The following XKR4 variants were observed in gnomAD, a reference collection of about 807,000 sequenced individuals.
The protein encoded by XKR4 is XK-related protein 4.
Under a neutral mutation model 53.9 loss-of-function variants are expected in XKR4, and 12 were observed. The ratio of observed to expected loss-of-function variants is 0.22; its 90% CI spans 0.14 to 0.36. The LOEUF (loss-of-function observed/expected upper bound fraction) is 0.36. Among genes scored for constraint, XKR4 ranks in the 10% least tolerant of loss-of-function variants. XKR4 has a pLI of 1.00. For synonymous variants in XKR4, 354 were observed against 362.4 expected (o/e 0.98, Z 0.26); for missense variants, 799 against 859.5 (o/e 0.93, Z 0.88).
intron 1 of XKR4, among the ~76,000 whole-genome samples, chr8:55,328,999 C>T (rs1278419893): frequency 2.0e-5 from 3 of 152,170 alleles, no homozygotes; most frequent in Non-Finnish European, 4.4e-5. Flanking sequence ...CCCTGATTCT[C>T]TTGTCCACTG....
chr8:55,265,108 C>G (rs1585975789), intron 1 of XKR4, among the ~76,000 whole-genome samples: 2 of 152,184 alleles, frequency 1.3e-5, no homozygotes, highest in African/African-American at 4.8e-5. Flanking sequence ...CATCTTCCAC[C>G]CTTATCCTGT....
chr8:55,289,852 GAAAGAAAGAAAGAAAGAAAGAAA>G (rs1563316717), intron 1 of XKR4, among the ~76,000 whole-genome samples: 2 of 1,892 alleles, frequency 1.1e-3, no homozygotes, highest in East Asian at 0.1. Context: ...AAGAAAGAAG[GAAAGAAAGAAAGAAAGAAAGAAA>G]GAAAGAAAGA....
chr8:55,217,667 AG>A (rs1208499978), intron 1 of XKR4, among the ~76,000 whole-genome samples: 1 of 152,224 alleles, frequency 6.6e-6, no homozygotes, highest in East Asian at 1.9e-4. Context: ...TTGTGGATAC[AG>A]GCTCGTTGCT....
At position 55,539,082 on chromosome 8, in the gene XKR4, C is replaced by T. The variant is rs1399252729; in HGVS notation, c.*14855C>T. 6.6e-6 allele frequency: 1 copy of T among 152,156 alleles called. No homozygotes were observed. Among genetic ancestry groups the T allele is most frequent in the African/African-American group, 2.4e-5 (1 of 41,436 alleles). The allele number at this position is 152,156 out of a possible 1,614,324, so 9.4% of individuals were successfully genotyped here. A position where few individuals can be genotyped will look rare whatever the true frequency, so the allele number is the denominator to read the frequency against. ...CATCAGAGAATATCCTGTACAACTT[C>T]CCCAAAAGTGACAAGTTTTCTTGTA... On this transcript the variant is annotated 3_prime_UTR_variant, in exon 3 of 3. Coordinates refer to ENST00000327381, the MANE Select transcript of XKR4 (RefSeq NM_052898.2).
At position 55,213,918 on chromosome 8, in the gene XKR4, G is replaced by A. The variant is rs151084185; in HGVS notation, c.806+110624G>A. Among the ~76,000 whole-genome samples the A allele has an allele frequency of 2.6e-3, 316 of 119,742 alleles. 1 individual carries two copies. Among genetic ancestry groups the A allele is most frequent in the African/African-American group, 9.4e-3 (296 of 31,550 alleles). The allele number at this position is 119,742 out of a possible 152,430, so 78.6% of individuals were successfully genotyped here. The stretch of plus-strand genomic sequence containing the variant: ...CTCCTGTTGCCCAGGCTGGAGTGCA[G>A]TGGTGCAATCTCCGCCCACTGCAAG... On this transcript the variant is annotated intron_variant, in intron 1 of 2. Transcript: ENST00000327381.
intron 1 of XKR4, among the ~76,000 whole-genome samples, chr8:55,270,219 C>T (rs1470401197): frequency 6.6e-6 from 1 of 152,190 alleles, no homozygotes; most frequent in Non-Finnish European, 1.5e-5. Context: ...TGGAGTGAAT[C>T]ACCTCTGAAG....
chr8:55,161,765 C>A (rs7837220), intron 1 of XKR4: 106,082 of 369,834 alleles, frequency 0.29, 16,482 homozygotes, highest in African/African-American at 0.47. Context: ...TCACTAAATT[C>A]TTTTCTCCAC....
At position 55,426,567 on chromosome 8, in the gene XKR4, G is replaced by T. The variant is rs1361771857; in HGVS notation, c.1006+68690G>T. On this transcript the variant is annotated intron_variant, in intron 2 of 2. Coordinates refer to ENST00000327381, the MANE Select transcript of XKR4 (RefSeq NM_052898.2). ...GTACATGCTTAAGAATAAAGGCTGT[G>T]TGTTATTCTTCTTTGATCCCCAGAA... Among the ~76,000 whole-genome samples, 4 of 152,184 alleles carry T rather than the reference G, an allele frequency of 2.6e-5. No homozygotes were observed. The East Asian group carries it at 7.7e-4, about 29-fold the overall frequency.
In XKR4 at chr8:55,102,560, C is replaced by G. The variant is rs764240948; in HGVS notation, c.72C>G (p.Asn24Lys). The G allele has an allele frequency of 3.2e-6, 5 of 1,553,134 alleles. No individual in the cohort carries two copies. Among genetic ancestry groups the G allele is most frequent in the African/African-American group, 1.4e-5 (1 of 70,278 alleles). Reference protein sequence around the residue: ...SSDVAFTPLQNSDHSGSVQGL... With the variant: ...SSDVAFTPLQKSDHSGSVQGL... ...ACGTGGCGTTCACCCCGCTGCAGAACTCGGACCACTCGGGCTCGGTGCAGG... is the reference window on the plus strand; with the variant it reads ...ACGTGGCGTTCACCCCGCTGCAGAAGTCGGACCACTCGGGCTCGGTGCAGG... Residue 24 changes from asparagine to lysine, a missense_variant, in exon 1 of 3, where the codon AAC becomes AAG. Physicochemically the swap from Asn to Lys is moderately conservative, Grantham distance 94 (BLOSUM62 0). This residue lies in a region of XKR4 where 476 missense variants were observed against 505.4 expected (regional missense o/e 0.94). Transcript: ENST00000327381. This position sits in a 1 kb window ranked among gnomAD's most constrained non-coding sequence, Gnocchi z 5.1.
At chr8:55,375,089 G>A (rs1442111504) in intron 2 of XKR4, among the ~76,000 whole-genome samples, 2 of 152,244 alleles carry the variant, frequency 1.3e-5, no homozygotes, top group Non-Finnish European at 2.9e-5. Context: ...AAGGACCTCA[G>A]TTTGGAGGAA....
At chr8:55,446,048 A>T (rs990981310) in intron 2 of XKR4, among the ~76,000 whole-genome samples, 1 of 152,178 alleles carries the variant, frequency 6.6e-6, no homozygotes, top group Non-Finnish European at 1.5e-5. Flanking sequence ...ATGAGAGATT[A>T]CTGTTCCCAA....
intron 1 of XKR4, among the ~76,000 whole-genome samples, chr8:55,200,286 T>G (rs1464955511): frequency 6.6e-6 from 1 of 152,206 alleles, no homozygotes. Context: ...CAGGCTGTCC[T>G]TGAACTCCTG....
chr8:55,189,255 C>T lies in XKR4; in HGVS notation c.806+85961C>T, dbSNP rs1337748251. Among the ~76,000 whole-genome samples the T allele has an allele frequency of 7.2e-5, 11 of 152,290 alleles. No individual in the cohort carries two copies. In the East Asian group the frequency reaches 2.1e-3, roughly 29 times the overall value. On this transcript the variant is annotated intron_variant, in intron 1 of 2. Transcript: ENST00000327381. ...CTAGCATACTCTGAAAAAGGTAGAA[C>T]TTTGCCTGTCAGCTGACAATCTTTT... is the stretch of plus-strand genomic sequence containing the variant.
At chr8:55,462,071 C>A (rs1479683698) in intron 2 of XKR4, among the ~76,000 whole-genome samples, 2 of 152,152 alleles carry the variant, frequency 1.3e-5, no homozygotes, top group African/African-American at 4.8e-5. Context: ...TCCAGGAGAA[C>A]TTCCCCAATC....
At chr8:55,285,732 G>C (rs983849368) in intron 1 of XKR4, among the ~76,000 whole-genome samples, 1 of 152,088 alleles carries the variant, frequency 6.6e-6, no homozygotes, top group Non-Finnish European at 1.5e-5. Context: ...AGTTTATCTG[G>C]TCTTGGGGAT....
At chr8:55,120,265 C>A (rs369631246) in intron 1 of XKR4, among the ~76,000 whole-genome samples, 7 of 152,144 alleles carry the variant, frequency 4.6e-5, no homozygotes, top group African/African-American at 1.7e-4. Context: ...ATTTGATTCT[C>A]CCTTTTCTCA....
At chr8:55,441,161 G>C (rs1276915063) in intron 2 of XKR4, among the ~76,000 whole-genome samples, 1 of 152,036 alleles carries the variant, frequency 6.6e-6, no homozygotes, top group African/African-American at 2.4e-5. Flanking sequence ...GATCACTTAA[G>C]CTTGGGAGGT....
At chr8:55,410,534 ACACCCAGG>A (rs1409362051) in intron 2 of XKR4, among the ~76,000 whole-genome samples, 3 of 152,196 alleles carry the variant, frequency 2.0e-5, no homozygotes, top group African/African-American at 7.2e-5. Context: ...AGCCTCTCAG[ACACCCAGG>A]CTAGTAACCA....
chr8:55,389,911 C>T (rs938233881), intron 2 of XKR4, among the ~76,000 whole-genome samples: 1 of 152,174 alleles, frequency 6.6e-6, no homozygotes, highest in Non-Finnish European at 1.5e-5. Context: ...TTCTCTTTCC[C>T]CCTCTCTGAC....
Sources: allele counts gnomAD v4.1 joint callset (sites outside exome capture counted in the v4.1 genomes callset), GRCh38; gene constraint gnomAD v4.1.1; regional missense constraint gnomAD v4.1.1; non-coding constraint Gnocchi (gnomAD v3.1); transcripts MANE v1.5; gene names NCBI Gene and HGNC (gene_info 2026-07-23, HGNC 2026-07-21).